LINGO2: variants seen among roughly 807,000 people sequenced by gnomAD.
LINGO2 encodes leucine rich repeat and Ig domain containing 2.
LINGO2 carries 14 observed loss-of-function variants against 30.6 expected under a neutral mutation model. The observed-to-expected ratio is 0.46, with a 90% CI of 0.30 to 0.72. The LOEUF is 0.72. Ranked by LOEUF, LINGO2 falls within the 30% of genes least tolerant of loss-of-function variation. LINGO2 has a pLI of 0.07. For missense variants in LINGO2, 729 were observed against 751.7 expected, an observed-to-expected ratio of 0.97 and a Z score of 0.35; for synonymous variants, 317 against 288.5, an observed-to-expected ratio of 1.10 and a Z score of -1.00.
chr9:28,833,062 TTTTATA>T, the LINGO2 span, among the ~76,000 whole-genome samples: 5 of 152,062 alleles, frequency 3.3e-5, no homozygotes, highest in African/African-American at 1.2e-4. Flanking sequence ...AATCTTATAG[TTTTATA>T]TTTATAACTA....
At chr9:28,801,540 G>A in the LINGO2 span, among the ~76,000 whole-genome samples, 1 of 152,014 alleles carries the variant, frequency 6.6e-6, no homozygotes, top group South Asian at 2.1e-4. Context: ...TACTATTTAT[G>A]ATCACTTAAT....
chr9:29,044,023 C>A, the LINGO2 span, among the ~76,000 whole-genome samples: 1 of 152,006 alleles, frequency 6.6e-6, no homozygotes, highest in South Asian at 2.1e-4. Context: ...AGTTTGCAAA[C>A]ACAGGTTTCC....
intron 2 of LINGO2, among the ~76,000 whole-genome samples, chr9:28,444,298 A>G (rs1330586421): frequency 6.6e-6 from 1 of 152,182 alleles, no homozygotes; most frequent in Non-Finnish European, 1.5e-5. Context: ...GGTGGCCCAG[A>G]CTTTGGGGTT....
At chr9:28,750,957 G>A in the LINGO2 span, among the ~76,000 whole-genome samples, 1 of 151,842 alleles carries the variant, frequency 6.6e-6, no homozygotes, top group Non-Finnish European at 1.5e-5. Context: ...AATGCATTTA[G>A]TATTGCTCAG....
At chr9:28,167,109 C>A (rs1828449205) in intron 4 of LINGO2, among the ~76,000 whole-genome samples, 1 of 151,166 alleles carries the variant, frequency 6.6e-6, no homozygotes, top group Admixed American at 6.6e-5. Flanking sequence ...AATGTATATG[C>A]AGATTCCTGG....
At chr9:28,448,773 G>A (rs1188651888) in intron 2 of LINGO2, among the ~76,000 whole-genome samples, 2 of 152,098 alleles carry the variant, frequency 1.3e-5, no homozygotes, top group African/African-American at 2.4e-5. Flanking sequence ...GTAGGATTCT[G>A]CATCTGGAGA....
intron 4 of LINGO2, among the ~76,000 whole-genome samples, chr9:28,194,873 T>C (rs1819954320): frequency 6.6e-6 from 1 of 151,982 alleles, no homozygotes; most frequent in African/African-American, 2.4e-5. Context: ...GATCTAACAA[T>C]TACTCATTTC....
chr9:28,184,625 ATGAGTAAGAGAGACTGACTC>A (rs1819477968), intron 4 of LINGO2, among the ~76,000 whole-genome samples: 2 of 152,012 alleles, frequency 1.3e-5, no homozygotes, highest in South Asian at 4.1e-4. Flanking sequence ...AAGAGAAAGA[ATGAGTAAGAGAGACTGACTC>A]TGAGTCTGAT....
intron 3 of LINGO2, among the ~76,000 whole-genome samples, chr9:28,354,608 G>C (rs533376023): frequency 6.6e-6 from 1 of 152,230 alleles, no homozygotes; most frequent in South Asian, 2.1e-4. Flanking sequence ...AAACAATATT[G>C]TCAAAGCTAT....
chr9:29,128,975 A>C, the LINGO2 span, among the ~76,000 whole-genome samples: 3 of 152,154 alleles, frequency 2.0e-5, no homozygotes, highest in South Asian at 4.1e-4. Flanking sequence ...TAAAATTAAA[A>C]AAGAAATGTC....
intron 4 of LINGO2, among the ~76,000 whole-genome samples, chr9:28,272,550 T>G (rs1255135657): frequency 6.6e-6 from 1 of 152,222 alleles, no homozygotes; most frequent in Middle Eastern, 3.4e-3. Flanking sequence ...AATTACTTTG[T>G]TAACTCAATT....
chr9:28,656,195 A>G (rs970232851), intron 1 of LINGO2, among the ~76,000 whole-genome samples: 5 of 152,084 alleles, frequency 3.3e-5, no homozygotes, highest in Non-Finnish European at 5.9e-5. Context: ...TCCTAAATAC[A>G]TTAATGATCT....
intron 4 of LINGO2, among the ~76,000 whole-genome samples, chr9:28,035,392 G>T (rs577550758): frequency 5.3e-5 from 8 of 152,224 alleles, no homozygotes; most frequent in African/African-American, 1.9e-4. Context: ...TAATTTCAAG[G>T]GCACTGTCTC....
At position 28,093,846 on chromosome 9, in the gene LINGO2, A is replaced by AT. The variant is rs201444114; in HGVS notation, c.-86-81442dup. Among the ~76,000 whole-genome samples, 1,007 of 148,852 alleles carry AT rather than the reference A, an allele frequency of 6.8e-3. 19 individuals are homozygous for AT. The highest frequency in any genetic ancestry group is 0.021 in the African/African-American group (867 of 40,628). On this transcript the variant is annotated intron_variant, in intron 4 of 5. Coordinates refer to ENST00000379992, the Ensembl canonical transcript of LINGO2. ...TGTGTCTCTTTCCCAGTAGCTAAAC[A>AT]TTTTTTTTTTTATTTAACCATTGAC... is the stretch of plus-strand genomic sequence containing the variant.
chr9:29,139,471 C>T, the LINGO2 span, among the ~76,000 whole-genome samples: 101 of 152,076 alleles, frequency 6.6e-4, 1 homozygote, highest in South Asian at 0.013. Context: ...AGACTATTTT[C>T]CACTTTGTTA....
chr9:28,697,343 G>A, the LINGO2 span, among the ~76,000 whole-genome samples: 125 of 151,990 alleles, frequency 8.2e-4, no homozygotes, highest in African/African-American at 3.0e-3. Context: ...TTTGGAACAG[G>A]TTAGGTAATT....
intron 1 of LINGO2, among the ~76,000 whole-genome samples, chr9:28,507,867 T>A (rs889189547): frequency 3.3e-5 from 5 of 150,658 alleles, no homozygotes; most frequent in Admixed American, 1.3e-4. Context: ...TAGGTTTTGA[T>A]TTTTTTTCTA....
chr9:28,635,359 A>G (rs1827212360), intron 1 of LINGO2, among the ~76,000 whole-genome samples: 1 of 152,196 alleles, frequency 6.6e-6, no homozygotes, highest in African/African-American at 2.4e-5. Context: ...AAACAATATG[A>G]TATTTGATAT....
At chr9:28,190,527 C>G (rs1321201475) in intron 4 of LINGO2, among the ~76,000 whole-genome samples, 1 of 152,062 alleles carries the variant, frequency 6.6e-6, no homozygotes, top group Admixed American at 6.6e-5. Flanking sequence ...AAAAGAAACC[C>G]CAGAGAGTTC....
Sources: gnomAD v4.1 joint callset for allele counts (sites outside exome capture counted in the v4.1 genomes callset) on GRCh38, gnomAD v4.1.1 for gene constraint, MANE v1.5 for transcripts, NCBI Gene and HGNC (gene_info 2026-07-23, HGNC 2026-07-21) for gene names.